The following CHTOP variants were observed in gnomAD, a reference collection of about 807,000 sequenced individuals.
CHTOP encodes chromatin target of PRMT1 protein.
In CHTOP, 18 loss-of-function variants were observed where a neutral mutation model predicts 33.6. That is an observed-to-expected ratio of 0.54 (90% CI 0.37 to 0.80). The LOEUF is 0.80. Among genes scored for constraint, CHTOP ranks in the 30% least tolerant of loss-of-function variants. The pLI, the probability that CHTOP is intolerant of heterozygous loss-of-function variation, is 0.00. For missense variants in CHTOP, 263 were observed against 336.8 expected, an observed-to-expected ratio of 0.78 and a Z score of 1.71; for synonymous variants, 117 against 127.7, an observed-to-expected ratio of 0.92 and a Z score of 0.56.
In CHTOP at chr1:153,645,370, C is replaced by G. The variant is rs1571323253; in HGVS notation, c.*101C>G. 8.6e-7 allele frequency: 1 copy of G among 1,160,096 alleles called. No homozygotes were observed. 71.9% of individuals were successfully genotyped at this position (1,160,096 alleles called of 1,614,324 possible). A position where few individuals can be genotyped will look rare whatever the true frequency, so the allele number is the denominator to read the frequency against. ...GAAATCTGATTGATGCTGGATGGAC[C>G]TATCACAATAGGCTGTGGACTTACT... On this transcript the variant is annotated 3_prime_UTR_variant, in exon 6 of 6. Coordinates refer to ENST00000368694, the MANE Select transcript of CHTOP (RefSeq NM_015607.4).
chr1:153,642,946 A>G (rs1668680415), intron 4 of CHTOP: 5 of 414,846 alleles, frequency 1.2e-5, no homozygotes, highest in Non-Finnish European at 2.2e-5. Flanking sequence ...TAAATTTACC[A>G]TAATGCTAGG....
intron 1 of CHTOP, among the ~76,000 whole-genome samples, chr1:153,635,716 A>G (rs1343890414): frequency 2.6e-5 from 4 of 151,722 alleles, no homozygotes; most frequent in African/African-American, 7.3e-5. Flanking sequence ...CCAGCTACTC[A>G]GGAGGCTGAG....
In CHTOP at chr1:153,643,181, G is replaced by T. The variant is rs750337564; in HGVS notation, c.404-46G>T. On this transcript the variant is annotated intron_variant, in intron 4 of 5. Coordinates refer to ENST00000368694, the MANE Select transcript of CHTOP (RefSeq NM_015607.4). ...TTCCTTTGGTTAGAATCTACTTTGT[G>T]TCTCTTGGATTTACCTGCATATACA... The T allele has an allele frequency of 4.3e-6, 7 of 1,611,472 alleles. No individual in the cohort carries two copies. In the South Asian group the frequency reaches 7.7e-5, roughly 18 times the overall value.
chr1:153,640,749 C>G (rs1668591796), intron 3 of CHTOP, among the ~76,000 whole-genome samples: 1 of 152,248 alleles, frequency 6.6e-6, no homozygotes, highest in Non-Finnish European at 1.5e-5. Context: ...TCAGCCTGGG[C>G]AACAGAGCGA....
In CHTOP at chr1:153,645,355, T is replaced by TCCATCCAGCATCAATCA; in HGVS notation, c.*86_*87insCCATCCAGCATCAATCA. ...GATAACAGATGAGAAGAAATCTGAT[T>TCCATCCAGCATCAATCA]GATGCTGGATGGACCTATCACAATA... On this transcript the variant is annotated 3_prime_UTR_variant, in exon 6 of 6. Transcript: ENST00000368694. 7.8e-7 allele frequency: 1 copy of TCCATCCAGCATCAATCA among 1,285,872 alleles called. No individual in the cohort carries two copies. Among genetic ancestry groups the TCCATCCAGCATCAATCA allele is most frequent in the Non-Finnish European group, 1.1e-6 (1 of 916,108 alleles). 79.7% of individuals were successfully genotyped at this position (1,285,872 alleles called of 1,614,324 possible).
intron 1 of CHTOP, among the ~76,000 whole-genome samples, chr1:153,634,864 T>TC (rs1469611972): frequency 1.0e-5 from 1 of 99,662 alleles, no homozygotes; most frequent in African/African-American, 4.6e-5. Context: ...ATATTTTTTT[T>TC]TGGGGGGGGA....
chr1:153,646,216 G>A lies in CHTOP; in HGVS notation c.*947G>A, dbSNP rs1035456797. ...TTGTTTTGCCCTTGTTTCCCTTGAA[G>A]GTTTAAGTTCAACCATATTCTGTCA... On this transcript the variant is annotated 3_prime_UTR_variant, in exon 6 of 6. Coordinates refer to ENST00000368694, the MANE Select transcript of CHTOP (RefSeq NM_015607.4). 3 of 152,112 alleles carry A rather than the reference G, an allele frequency of 2.0e-5. No individual in the cohort carries two copies. The highest frequency in any genetic ancestry group is 4.4e-5 in the Non-Finnish European group (3 of 68,022). The allele number at this position is 152,112 out of a possible 1,614,324, so 9.4% of individuals were successfully genotyped here.
chr1:153,642,299 C>T lies in CHTOP; in HGVS notation c.273C>T (p.Pro91=), dbSNP rs1190682068. ...KSNIQARLGR[P]IGALARGAIG... is the part of the protein sequence containing the mutation. ...ACATCCAGGCACGGTTAGGCCGACC[C>T]ATAGGGGCCCTGGCCAGGGGAGCAA... Residue 91 remains proline, a synonymous_variant, in exon 4 of 6, where the codon CCC becomes CCT. Transcript: ENST00000368694. 6.2e-7 allele frequency: 1 copy of T among 1,614,154 alleles called. No homozygotes were observed.
chr1:153,634,375 A>C (rs28580554), intron 1 of CHTOP, 32 bp downstream of exon 1: 1 of 152,610 alleles, frequency 6.6e-6, no homozygotes, highest in Admixed American at 6.5e-5. Flanking sequence ...GAGCCGGGGG[A>C]GGTGCGGTCT....
chr1:153,645,781 A>G lies in CHTOP; in HGVS notation c.*512A>G, dbSNP rs1257594390. 1 of 157,110 alleles carries G rather than the reference A, an allele frequency of 6.4e-6. No individual in the cohort carries two copies. The highest frequency in any genetic ancestry group is 2.4e-5 in the African/African-American group (1 of 41,480). 9.7% of individuals were successfully genotyped at this position (157,110 alleles called of 1,614,324 possible). A position where few individuals can be genotyped will look rare whatever the true frequency, so the allele number is the denominator to read the frequency against. On this transcript the variant is annotated 3_prime_UTR_variant, in exon 6 of 6. Transcript: ENST00000368694. The stretch of plus-strand genomic sequence containing the variant: ...TGTTTAGAAGGTCTGGAGCTCAAAA[A>G]TGCGTTCTTCCACATTGATAATTTA...
chr1:153,634,763 G>T (rs1198438669), intron 1 of CHTOP, among the ~76,000 whole-genome samples: 1 of 151,586 alleles, frequency 6.6e-6, no homozygotes, highest in African/African-American at 2.4e-5. Flanking sequence ...TCAGTTTCTT[G>T]TTAAAGTCCC....
chr1:153,636,675 TCAA>T, intron 2 of CHTOP, 22 bp downstream of exon 2: 1 of 1,606,886 alleles, frequency 6.2e-7, no homozygotes, highest in Non-Finnish European at 8.5e-7. Flanking sequence ...AACAGCAACT[TCAA>T]CTCCTTCCTA....
At position 153,644,943 on chromosome 1, in the gene CHTOP, C is replaced by T. The variant is rs1571322573; in HGVS notation, c.542-121C>T. The T allele has an allele frequency of 3.6e-6, 3 of 830,042 alleles. No homozygotes were observed. The East Asian group carries it at 7.9e-5, about 22-fold the overall frequency. 51.4% of individuals were successfully genotyped at this position (830,042 alleles called of 1,614,324 possible). A position where few individuals can be genotyped will look rare whatever the true frequency, so the allele number is the denominator to read the frequency against. Reference sequence around the variant, plus strand: ...TTTCCTTTTTTTCCAGATTTCTCCTCTTTGCCCTGCCCTTCAGCTTTTCTC... The same window carrying T: ...TTTCCTTTTTTTCCAGATTTCTCCTTTTTGCCCTGCCCTTCAGCTTTTCTC... On this transcript the variant is annotated intron_variant, in intron 5 of 5. Transcript: ENST00000368694.
At chr1:153,634,438 A>G (rs1393533216) in intron 1 of CHTOP, 95 bp downstream of exon 1, 2 of 152,936 alleles carry the variant, frequency 1.3e-5, no homozygotes, top group Admixed American at 1.3e-4. Flanking sequence ...GCATGTGGAC[A>G]TAGCTACGGT....
At chr1:153,635,679 C>G (rs568589117) in intron 1 of CHTOP, among the ~76,000 whole-genome samples, 4 of 151,844 alleles carry the variant, frequency 2.6e-5, no homozygotes, top group African/African-American at 4.8e-5. Flanking sequence ...AAAAATTAGC[C>G]GGGCATGGTG....
Position 153,642,427 on chromosome 1 carries a change from G to T in CHTOP, c.401G>T (p.Arg134Leu). The T allele has an allele frequency of 6.2e-7, 1 of 1,612,424 alleles. No homozygotes were observed. The highest frequency in any genetic ancestry group is 8.5e-7 in the Non-Finnish European group (1 of 1,178,936). ...RTLLRGGMSL[R>L]GQNLLRGGRA... ...CTACTTAGGGGCGGGATGTCACTCC[G>T]AGGTCAGTGCTGTGTACCCTGATAA... Residue 134 changes from arginine (R) to leucine (L), a missense_variant and splice_region_variant, in exon 4 of 6, where the codon CGA (arginine) becomes CTA (leucine). Coordinates refer to ENST00000368694, the MANE Select transcript of CHTOP (RefSeq NM_015607.4).
chr1:153,636,527 A>G, intron 1 of CHTOP, 45 bp from the exon 2 acceptor site: 2 of 1,501,498 alleles, frequency 1.3e-6, no homozygotes, highest in Non-Finnish European at 1.8e-6. Context: ...TATAGAAATG[A>G]TGTCACTATT....
intron 1 of CHTOP, among the ~76,000 whole-genome samples, chr1:153,635,937 T>A (rs1668373144): frequency 6.6e-6 from 1 of 152,014 alleles, no homozygotes; most frequent in African/African-American, 2.4e-5. Flanking sequence ...TTGGGGTTAT[T>A]TGTTTGTTTT....
rs199856552 is a variant in CHTOP at position 153,636,556 on chromosome 1, G to A, written c.-17-16G>A. 5.5e-4 allele frequency: 875 copies of A among 1,601,050 alleles called. 11 individuals carry two copies. The East Asian group carries it at 7.5e-3, about 14-fold the overall frequency. On this transcript the variant is annotated splice_polypyrimidine_tract_variant and intron_variant, in intron 1 of 5. Transcript: ENST00000368694. ...CACTATTGTGATTTGCTCATTTTACGTATTGTTCTTTGTAGATTCTCGGGA... is the reference window on the plus strand; with the variant it reads ...CACTATTGTGATTTGCTCATTTTACATATTGTTCTTTGTAGATTCTCGGGA...
Sources: gnomAD v4.1 joint callset for allele counts (sites outside exome capture counted in the v4.1 genomes callset) on GRCh38, gnomAD v4.1.1 for gene constraint, MANE v1.5 for transcripts, NCBI Gene and HGNC (gene_info 2026-07-23, HGNC 2026-07-21) for gene names.